The following PTRH2 variants were observed in gnomAD, a reference collection of about 807,000 sequenced individuals.
The protein encoded by PTRH2 is peptidyl-tRNA hydrolase 2, mitochondrial.
PTRH2 carries 10 observed loss-of-function variants against 12.3 expected under a neutral mutation model. That is an observed-to-expected ratio of 0.81 (90% confidence interval 0.50 to 1.38). The LOEUF (loss-of-function observed/expected upper bound fraction) is 1.38, where lower values mean the gene tolerates loss of function less well. PTRH2 is among the 40% of genes most tolerant of loss of function. PTRH2 has a pLI of 0.00. For missense variants in PTRH2, 176 were observed against 214.1 expected (o/e 0.82, Z 1.11); for synonymous variants, 73 against 77.4 (o/e 0.94, Z 0.30).
intron 1 of PTRH2, chr17:59,700,274 C>T (rs1226261067): frequency 6.6e-6 from 1 of 152,156 alleles, no homozygotes; most frequent in Non-Finnish European, 1.5e-5. Flanking sequence ...ATTTGAGTCA[C>T]CAATAAGACA....
intron 1 of PTRH2, among the ~76,000 whole-genome samples, chr17:59,706,224 G>A (rs1346194220): frequency 6.6e-6 from 1 of 152,194 alleles, no homozygotes; most frequent in African/African-American, 2.4e-5. Flanking sequence ...GGCAATGACA[G>A]CAGAACAAAA....
At chr17:59,698,999 A>AT (rs1357059166) in intron 1 of PTRH2, 1 of 667,278 alleles carries the variant, frequency 1.5e-6, no homozygotes, top group Non-Finnish European at 2.7e-6. Flanking sequence ...AACATCGAGA[A>AT]TAGGTGGTAG....
chr17:59,707,361 A>G lies in PTRH2; in HGVS notation c.-1+10T>C, dbSNP rs1179561710. ...GTCTCCTTCGCCCTGTAAGGAGCCA[A>G]CCAACCTACCTACAGTACCTCCTTT... On this transcript the variant is annotated intron_variant, in intron 1 of 1. Transcript: ENST00000393038. The G allele has an allele frequency of 6.6e-6, 1 of 152,530 alleles. No individual in the cohort carries two copies. The highest frequency in any genetic ancestry group is 1.5e-5 in the Non-Finnish European group (1 of 68,026). The allele number at this position is 152,530 out of a possible 1,614,324, so 9.4% of individuals were successfully genotyped here.
intron 1 of PTRH2, chr17:59,701,137 A>G (rs2033547618): frequency 6.6e-6 from 1 of 152,214 alleles, no homozygotes; most frequent in Admixed American, 6.5e-5. Flanking sequence ...TCCTACTGAA[A>G]TGGTAGTTGG....
chr17:59,698,088 G>A, intron 1 of PTRH2, 110 bp from the exon 2 acceptor site: 3 of 1,115,746 alleles, frequency 2.7e-6, no homozygotes, highest in Non-Finnish European at 1.3e-6. Context: ...CCAGAAAAAA[G>A]GCAAAACACA....
chr17:59,702,984 G>A (rs1244766701), intron 1 of PTRH2, among the ~76,000 whole-genome samples: 2 of 152,074 alleles, frequency 1.3e-5, no homozygotes, highest in African/African-American at 4.8e-5. Context: ...ACCATGTTTG[G>A]TAGGTTAGGT....
chr17:59,703,713 C>G (rs1399533141), intron 1 of PTRH2, among the ~76,000 whole-genome samples: 2 of 152,162 alleles, frequency 1.3e-5, no homozygotes, highest in Non-Finnish European at 2.9e-5. Context: ...ACCAGGTTGG[C>G]CAGGCTGGTC....
intron 1 of PTRH2, chr17:59,700,599 A>G (rs758842992): frequency 1.9e-4 from 29 of 152,168 alleles, no homozygotes; most frequent in Non-Finnish European, 3.1e-4. Flanking sequence ...TGGGGCAGAA[A>G]TTCGTTTGAG....
chr17:59,705,909 C>CAA (rs34174073), intron 1 of PTRH2, among the ~76,000 whole-genome samples: 12 of 100,036 alleles, frequency 1.2e-4, no homozygotes, highest in Admixed American at 2.0e-4. Flanking sequence ...ACCCTGTCTC[C>CAA]AAAAAAAAAA....
chr17:59,700,428 G>A (rs2033534615), intron 1 of PTRH2: 2 of 152,342 alleles, frequency 1.3e-5, no homozygotes, highest in South Asian at 4.1e-4. Flanking sequence ...TATTTGTAAT[G>A]TAAAGTGGTG....
chr17:59,705,760 A>G (rs2033634817), intron 1 of PTRH2, among the ~76,000 whole-genome samples: 1 of 152,156 alleles, frequency 6.6e-6, no homozygotes, highest in Admixed American at 6.5e-5. Context: ...AAATTTAAAT[A>G]ATTAGCCAGA....
At chr17:59,699,571 G>C (rs2143640730) in intron 1 of PTRH2, 1 of 152,958 alleles carries the variant, frequency 6.5e-6, no homozygotes, top group Admixed American at 6.5e-5. Context: ...TGGATCATCA[G>C]TAGGCTAAGT....
intron 1 of PTRH2, among the ~76,000 whole-genome samples, chr17:59,701,595 A>G (rs1315183564): frequency 6.6e-6 from 1 of 152,236 alleles, no homozygotes; most frequent in Non-Finnish European, 1.5e-5. Flanking sequence ...TGCACAAAGC[A>G]GAAAAAGTCC....
chr17:59,701,157 A>C (rs1216656700), intron 1 of PTRH2: 1 of 152,260 alleles, frequency 6.6e-6, no homozygotes, highest in East Asian at 1.9e-4. Flanking sequence ...GATGTATCCA[A>C]GTTTAAATTA....
chr17:59,697,751 C>CT lies in PTRH2; in HGVS notation c.227dup (p.Met77AspfsTer27). 1 of 1,614,222 alleles carries CT rather than the reference C, an allele frequency of 6.2e-7. No individual in the cohort carries two copies. The highest frequency in any genetic ancestry group is 8.5e-7 in the Non-Finnish European group (1 of 1,180,040). ...GGGCAGCCACTTTCCCTTTTCCCAT[C>CT]TTTAAGTCATTTCGAACCACAAGAA... On this transcript the variant is annotated frameshift_variant, in exon 2 of 2. Coordinates refer to ENST00000393038, the MANE Select transcript of PTRH2 (RefSeq NM_016077.5). LOFTEE classifies it high-confidence loss of function.
At chr17:59,706,417 C>T (rs929997213) in intron 1 of PTRH2, among the ~76,000 whole-genome samples, 31 of 152,108 alleles carry the variant, frequency 2.0e-4, no homozygotes, top group African/African-American at 7.5e-4. Context: ...TTCTCAAACT[C>T]CTGGGCTCAA....
intron 1 of PTRH2, among the ~76,000 whole-genome samples, chr17:59,706,143 C>T (rs913163602): frequency 6.6e-6 from 1 of 152,142 alleles, no homozygotes; most frequent in Non-Finnish European, 1.5e-5. Context: ...TTACGACAAG[C>T]GTATCAATAA....
chr17:59,698,992 A>G, intron 1 of PTRH2: 2 of 676,916 alleles, frequency 3.0e-6, no homozygotes, highest in African/African-American at 1.8e-5. Context: ...TCTGATGAAC[A>G]TCGAGAATAG....
In PTRH2 at chr17:59,699,016, T is replaced by C. The variant is rs527355967; in HGVS notation, c.1-1038A>G. 195 of 637,790 alleles carry C rather than the reference T, an allele frequency of 3.1e-4. No homozygotes were observed. The African/African-American group carries it at 3.2e-3, about 11-fold the overall frequency. 39.5% of individuals were successfully genotyped at this position (637,790 alleles called of 1,614,324 possible). ...CATCGAGAATAGGTGGTAGAAGGCA[T>C]TGGGACATCAACACTAGTTGATGGT... is the stretch of plus-strand genomic sequence containing the variant. On this transcript the variant is annotated intron_variant, in intron 1 of 1. Transcript: ENST00000393038.
Sources: gnomAD v4.1 joint callset for allele counts (sites outside exome capture counted in the v4.1 genomes callset) on GRCh38, gnomAD v4.1.1 for gene constraint, MANE v1.5 for transcripts, NCBI Gene and HGNC (gene_info 2026-07-23, HGNC 2026-07-21) for gene names.